The following PTPRG variants were observed in gnomAD, a reference collection of about 807,000 sequenced individuals.
PTPRG encodes protein tyrosine phosphatase receptor type G, also known as receptor-type tyrosine-protein phosphatase gamma.
PTPRG carries 102 observed loss-of-function variants against 165.3 expected under a neutral mutation model. The observed-to-expected ratio is 0.62, with a 90% CI of 0.53 to 0.73. The LOEUF (loss-of-function observed/expected upper bound fraction) is 0.73. Ranked by LOEUF, PTPRG falls within the 30% of genes least tolerant of loss-of-function variation. The pLI is 0.00. For missense variants in PTPRG, 1,866 were observed against 1,861.4 expected (o/e 1.00, Z -0.05); for synonymous variants, 675 against 669.5 (o/e 1.01, Z -0.13).
At chr3:61,791,554 C>G (rs2034867540) in intron 2 of PTPRG, among the ~76,000 whole-genome samples, 1 of 152,188 alleles carries the variant, frequency 6.6e-6, no homozygotes, top group African/African-American at 2.4e-5. Flanking sequence ...GTGGTGCTAT[C>G]TCGGGTAACT....
chr3:61,598,240 G>C (rs1391847199), intron 1 of PTPRG, among the ~76,000 whole-genome samples: 1 of 152,184 alleles, frequency 6.6e-6, no homozygotes, highest in South Asian at 2.1e-4. Context: ...GCAGCTCACT[G>C]TCTGGCTAGG....
At chr3:62,194,912 A>G in intron 9 of PTPRG, 150 bp from the exon 10 acceptor site, 1 of 690,208 alleles carries the variant, frequency 1.4e-6, no homozygotes, top group Non-Finnish European at 2.5e-6. Flanking sequence ...GCAGGGTCCA[A>G]GCGGTCTTTC....
intron 2 of PTPRG, among the ~76,000 whole-genome samples, chr3:61,812,712 G>A (rs866982732): frequency 2.6e-5 from 4 of 152,186 alleles, no homozygotes; most frequent in African/African-American, 9.7e-5. Context: ...TGTGTGCCCC[G>A]AGGGCTCCTC....
At chr3:61,882,579 A>T (rs2037916638) in intron 2 of PTPRG, among the ~76,000 whole-genome samples, 1 of 152,170 alleles carries the variant, frequency 6.6e-6, no homozygotes, top group Admixed American at 6.5e-5. Flanking sequence ...TTTTCTACAA[A>T]AGTCCTGCAT....
chr3:61,880,763 A>AG (rs905753180), intron 2 of PTPRG, among the ~76,000 whole-genome samples: 2 of 152,030 alleles, frequency 1.3e-5, no homozygotes, highest in Admixed American at 6.6e-5. Flanking sequence ...ATAGGAGAAG[A>AG]GGGGGAGACT....
intron 2 of PTPRG, among the ~76,000 whole-genome samples, chr3:61,847,746 T>C (rs912638237): frequency 6.6e-6 from 1 of 151,948 alleles, no homozygotes; most frequent in Non-Finnish European, 1.5e-5. Context: ...AAATGATCTT[T>C]GAAAAAAAAA....
chr3:61,731,354 T>C (rs2032483761), intron 1 of PTPRG, among the ~76,000 whole-genome samples: 2 of 150,232 alleles, frequency 1.3e-5, no homozygotes, highest in Non-Finnish European at 3.0e-5. Context: ...TTTTCCTTTT[T>C]TTTTTTTTTT....
At chr3:62,202,077 G>T (rs957814564) in intron 11 of PTPRG, among the ~76,000 whole-genome samples, 1 of 152,144 alleles carries the variant, frequency 6.6e-6, no homozygotes, top group African/African-American at 2.4e-5. Context: ...TACTTCTCCA[G>T]GCAGCCCACA....
intron 1 of PTPRG, among the ~76,000 whole-genome samples, chr3:61,646,458 T>G (rs2106966995): frequency 6.6e-6 from 1 of 152,342 alleles, no homozygotes; most frequent in African/African-American, 2.4e-5. Context: ...CCAAAACTCT[T>G]CTGGAATTAC....
chr3:62,138,714 C>CA (rs563632840), intron 6 of PTPRG, among the ~76,000 whole-genome samples: 34,870 of 91,424 alleles, frequency 0.38, 5,364 homozygotes, highest in East Asian at 0.47. Flanking sequence ...GGCAAAGCTC[C>CA]AAAAAAAAAA....
At chr3:62,265,684 C>G (rs1320208389) in intron 17 of PTPRG, among the ~76,000 whole-genome samples, 3 of 152,180 alleles carry the variant, frequency 2.0e-5, no homozygotes, top group African/African-American at 7.2e-5. Context: ...CAAACCTCTC[C>G]CTAGTCTTTG....
intron 2 of PTPRG, among the ~76,000 whole-genome samples, chr3:61,777,968 T>A (rs1176675636): frequency 6.6e-6 from 1 of 152,206 alleles, no homozygotes; most frequent in Non-Finnish European, 1.5e-5. Context: ...TATAGTTGGT[T>A]CTTCAGTGCC....
chr3:62,080,614 G>A (rs1295161726), intron 5 of PTPRG, among the ~76,000 whole-genome samples: 1 of 152,054 alleles, frequency 6.6e-6, no homozygotes, highest in Non-Finnish European at 1.5e-5. Context: ...ACTTCATAGG[G>A]AACCTTTCTT....
At chr3:61,599,503 G>A (rs563822079) in intron 1 of PTPRG, among the ~76,000 whole-genome samples, 8 of 151,968 alleles carry the variant, frequency 5.3e-5, no homozygotes, top group African/African-American at 1.9e-4. Flanking sequence ...TTCTTTGTTT[G>A]TTAGTTTGAG....
chr3:61,818,771 G>GA (rs1204827137), intron 2 of PTPRG, among the ~76,000 whole-genome samples: 1 of 150,836 alleles, frequency 6.6e-6, no homozygotes, highest in Admixed American at 6.6e-5. Flanking sequence ...AAAGTAAAGA[G>GA]AAAAAAAATA....
chr3:62,257,194 C>T (rs1701556936), intron 16 of PTPRG, among the ~76,000 whole-genome samples: 1 of 152,074 alleles, frequency 6.6e-6, no homozygotes, highest in Non-Finnish European at 1.5e-5. Flanking sequence ...ACTACTGTCA[C>T]CTTATAATTA....
chr3:62,231,376 G>A, intron 14 of PTPRG, 65 bp downstream of exon 14: 5 of 1,372,778 alleles, frequency 3.6e-6, no homozygotes, highest in Non-Finnish European at 4.9e-6. Flanking sequence ...CCAAATTTTT[G>A]TTTTGTTGCC....
chr3:61,742,327 A>G, intron 1 of PTPRG: 1 of 613,054 alleles, frequency 1.6e-6, no homozygotes, highest in Non-Finnish European at 2.8e-6. Flanking sequence ...CGTAGGAAAC[A>G]GTTGCGTTGA....
At position 62,255,068 on chromosome 3, in the gene PTPRG, A is replaced by T; in HGVS notation, c.2468-56A>T. ...TAAGGATGCTTTGCTTTATCAGTGT[A>T]ATTTGTTTTATGGAAGTATTCTATG... is the stretch of plus-strand genomic sequence containing the variant. On this transcript the variant is annotated intron_variant, in intron 15 of 29. Coordinates refer to ENST00000474889, the MANE Select transcript of PTPRG (RefSeq NM_002841.4). The surrounding 1 kb of genome is among the most constrained non-coding windows in gnomAD (Gnocchi z 4.0). 2 of 1,446,086 alleles carry T rather than the reference A, an allele frequency of 1.4e-6. No individual in the cohort carries two copies. The highest frequency in any genetic ancestry group is 1.9e-6 in the Non-Finnish European group (2 of 1,042,326). 89.6% of individuals were successfully genotyped at this position (1,446,086 alleles called of 1,614,324 possible).
Sources: gnomAD v4.1 joint callset for allele counts (sites outside exome capture counted in the v4.1 genomes callset) on GRCh38, gnomAD v4.1.1 for gene constraint, Gnocchi (gnomAD v3.1) non-coding constraint, MANE v1.5 for transcripts, NCBI Gene and HGNC (gene_info 2026-07-23, HGNC 2026-07-21) for gene names.